The following MCPH1 variants were observed in gnomAD, a reference collection of about 807,000 sequenced individuals.
MCPH1 encodes the protein microcephalin.
MCPH1 carries 104 observed loss-of-function variants against 84.5 expected under a neutral mutation model. The ratio of observed to expected loss-of-function variants is 1.23; its 90% CI spans 1.05 to 1.45. MCPH1 has a LOEUF of 1.45. Ranked by LOEUF, MCPH1 falls within the 40% of genes most tolerant of loss-of-function variation. The pLI is 0.00. For synonymous variants in MCPH1, 514 were observed against 366.8 expected, an observed-to-expected ratio of 1.40 and a Z score of -4.58; for missense variants, 1,498 against 1,005.7, an observed-to-expected ratio of 1.49 and a Z score of -6.62.
chr8:6,625,760 G>A (rs949106642), intron 13 of MCPH1: 61 of 980,284 alleles, frequency 6.2e-5, no homozygotes, highest in Non-Finnish European at 6.9e-5. Context: ...CTCCAGCCTA[G>A]GCAACAGAGC....
rs903635587 is a variant in MCPH1 at position 6,627,719 on chromosome 8, C to A, written c.2452+6028C>A. Among the ~76,000 whole-genome samples the A allele has an allele frequency of 6.6e-5, 10 of 152,018 alleles. 1 individual carries two copies. The East Asian group carries it at 1.9e-3, about 30-fold the overall frequency. The stretch of plus-strand genomic sequence containing the variant: ...CAGCCTGGGCAACATGGTAGAATCT[C>A]GTCTGTACAAAAAAGTACAATAATT... On this transcript the variant is annotated intron_variant, in intron 13 of 13. Coordinates refer to ENST00000344683, the MANE Select transcript of MCPH1 (RefSeq NM_024596.5).
At chr8:6,450,765 T>G (rs1279047555) in intron 8 of MCPH1, among the ~76,000 whole-genome samples, 1 of 152,046 alleles carries the variant, frequency 6.6e-6, no homozygotes, top group South Asian at 2.1e-4. Flanking sequence ...TGTTTTGAGA[T>G]AGGGTCTCAC....
At chr8:6,527,677 C>G (rs1212828716) in intron 12 of MCPH1, 1 of 1,600,096 alleles carries the variant, frequency 6.2e-7, no homozygotes, top group Non-Finnish European at 8.5e-7. Context: ...GATTTAATAC[C>G]TAAATGTAAC....
chr8:6,534,578 G>T (rs1474399883), intron 12 of MCPH1, among the ~76,000 whole-genome samples: 1 of 152,042 alleles, frequency 6.6e-6, no homozygotes, highest in Non-Finnish European at 1.5e-5. Context: ...TGAAGCCTTA[G>T]TTTTCCATAT....
In MCPH1 at chr8:6,417,287, C is replaced by G. The variant is rs192449956; in HGVS notation, c.233+2404C>G. ...AGTTTTCTGTAAAGGGACAGATAGTCAATATTTTAGGCTTTGCGGGCCATA... is the reference window on the plus strand; with the variant it reads ...AGTTTTCTGTAAAGGGACAGATAGTGAATATTTTAGGCTTTGCGGGCCATA... On this transcript the variant is annotated intron_variant, in intron 3 of 13. Transcript: ENST00000344683. Among the ~76,000 whole-genome samples the G allele has an allele frequency of 9.3e-4, 142 of 152,230 alleles. 1 individual carries two copies. The highest frequency in any genetic ancestry group is 3.3e-3 in the African/African-American group (137 of 41,526).
chr8:6,577,985 C>G (rs1827252276), intron 12 of MCPH1, among the ~76,000 whole-genome samples: 1 of 152,198 alleles, frequency 6.6e-6, no homozygotes, highest in African/African-American at 2.4e-5. Context: ...TCCTGTGAGA[C>G]AGCGGGATGT....
intron 12 of MCPH1, among the ~76,000 whole-genome samples, chr8:6,515,468 C>T (rs1272669954): frequency 2.0e-5 from 3 of 152,176 alleles, no homozygotes; most frequent in African/African-American, 7.2e-5. Context: ...GCTCACTGCC[C>T]ACAGTTTTTC....
chr8:6,497,104 C>A (rs749457205), intron 11 of MCPH1, among the ~76,000 whole-genome samples: 1 of 152,018 alleles, frequency 6.6e-6, no homozygotes, highest in Non-Finnish European at 1.5e-5. Flanking sequence ...TTCATTGGTC[C>A]TGATTGGAAG....
chr8:6,625,191 T>C, intron 13 of MCPH1: 2 of 985,480 alleles, frequency 2.0e-6, no homozygotes, highest in Non-Finnish European at 2.4e-6. Context: ...ACCTATTTTC[T>C]GTGGAATGCA....
chr8:6,470,597 T>C (rs1023960769), intron 9 of MCPH1, among the ~76,000 whole-genome samples: 1 of 152,234 alleles, frequency 6.6e-6, no homozygotes, highest in South Asian at 2.1e-4. Flanking sequence ...GAGATCCTCG[T>C]ACTTTTAAAT....
chr8:6,527,255 C>G (rs911280835), intron 12 of MCPH1, among the ~76,000 whole-genome samples: 3 of 151,614 alleles, frequency 2.0e-5, no homozygotes, highest in Non-Finnish European at 4.4e-5. Context: ...CTCCACAGCA[C>G]TAGCTGTATT....
chr8:6,588,518 A>G (rs931595827), intron 12 of MCPH1, among the ~76,000 whole-genome samples: 3 of 152,196 alleles, frequency 2.0e-5, no homozygotes, highest in Non-Finnish European at 4.4e-5. Flanking sequence ...AGGATCAGAC[A>G]TCTCCCAGGG....
Position 6,409,349 on chromosome 8 carries a change from G to C in MCPH1, c.93G>C (p.Gln31His), listed in dbSNP as rs1798214478. 12 of 1,613,812 alleles carry C rather than the reference G, an allele frequency of 7.4e-6. No homozygotes were observed. Among genetic ancestry groups the C allele is most frequent in the Non-Finnish European group, 1.0e-5 (12 of 1,179,732 alleles). ...ATTATTCAAAGACATTTACAACACA[G>C]CTTGTGGATATGGGGGCAAAGGTAA... ...TENYSKTFTTQLVDMGAKVSK... is the reference protein window; with the variant it reads ...TENYSKTFTTHLVDMGAKVSK... The change falls in exon 2 of 14, where the codon CAG becomes CAC. Residue 31 changes from glutamine to histidine, a missense_variant. Transcript: ENST00000344683.
At position 6,644,060 on chromosome 8, in the gene MCPH1, G is replaced by C. The variant is rs776708890; in HGVS notation, c.*1011G>C. ...GAGGTCAGGAGTTCGAGACCAGCCT[G>C]ACCAACGCAGCAAAACCCATCTCTA... On this transcript the variant is annotated 3_prime_UTR_variant, in exon 14 of 14. Transcript: ENST00000344683. The C allele has an allele frequency of 6.6e-6, 1 of 152,272 alleles. No individual in the cohort carries two copies. Among genetic ancestry groups the C allele is most frequent in the African/African-American group, 2.4e-5 (1 of 41,436 alleles). The allele number at this position is 152,272 out of a possible 1,614,324, so 9.4% of individuals were successfully genotyped here.
At chr8:6,626,409 C>T in intron 13 of MCPH1, 2 of 983,812 alleles carry the variant, frequency 2.0e-6, no homozygotes, top group Non-Finnish European at 2.4e-6. Flanking sequence ...GTACTTGGGC[C>T]AAGATTCTTG....
intron 9 of MCPH1, among the ~76,000 whole-genome samples, chr8:6,459,953 G>C (rs1338263637): frequency 6.6e-6 from 1 of 152,242 alleles, no homozygotes; most frequent in Non-Finnish European, 1.5e-5. Context: ...ACCGCGAGAA[G>C]AGAGAGGCTG....
chr8:6,520,512 C>T (rs998674113), intron 12 of MCPH1, among the ~76,000 whole-genome samples: 1 of 152,160 alleles, frequency 6.6e-6, no homozygotes, highest in African/African-American at 2.4e-5. Context: ...TCTCCTACCT[C>T]AGCCTCCCAA....
intron 12 of MCPH1, among the ~76,000 whole-genome samples, chr8:6,589,045 C>G (rs964167746): frequency 2.6e-5 from 4 of 152,220 alleles, no homozygotes; most frequent in African/African-American, 9.6e-5. Context: ...TAAACAATCA[C>G]TGTATGAAAA....
intron 13 of MCPH1, chr8:6,626,472 TTG>T (rs1280375874): frequency 1.3e-5 from 12 of 957,328 alleles, no homozygotes; most frequent in Non-Finnish European, 1.3e-5. Context: ...TTTTTTTGTT[TTG>T]TTTTTTTTTT....
Sources: allele counts gnomAD v4.1 joint callset (sites outside exome capture counted in the v4.1 genomes callset), GRCh38; gene constraint gnomAD v4.1.1; transcripts MANE v1.5; gene names NCBI Gene and HGNC (gene_info 2026-07-23, HGNC 2026-07-21).